The following B3GALT1 variants were observed in gnomAD, a reference collection of about 807,000 sequenced individuals.
B3GALT1 encodes the protein UDP-Gal:betaGlcNAc beta 1,3-galactosyltransferase, polypeptide 1.
Under a neutral mutation model 23.2 loss-of-function variants are expected in B3GALT1, and 10 were observed. The ratio of observed to expected loss-of-function variants is 0.43; its 90% confidence interval spans 0.27 to 0.73. The LOEUF is 0.73. B3GALT1 is among the 30% of genes least tolerant of loss of function. B3GALT1 has a pLI of 0.21. For synonymous variants in B3GALT1, 156 were observed against 141.5 expected (o/e 1.10, Z -0.73); for missense variants, 299 against 405.4 (o/e 0.74, Z 2.25).
intron 4 of B3GALT1, among the ~76,000 whole-genome samples, chr2:167,859,609 A>G (rs185210353): frequency 2.6e-4 from 40 of 152,316 alleles, no homozygotes; most frequent in African/African-American, 9.4e-4. Flanking sequence ...AAACTAAAAA[A>G]GAGAAAGGTT....
intron 3 of B3GALT1, among the ~76,000 whole-genome samples, chr2:167,727,189 C>A (rs949088347): frequency 6.6e-6 from 1 of 152,022 alleles, no homozygotes; most frequent in Non-Finnish European, 1.5e-5. Context: ...ATGGATTTAA[C>A]CTTTGTCTTT....
intron 1 of B3GALT1, among the ~76,000 whole-genome samples, chr2:167,311,872 A>G (rs1195581087): frequency 1.3e-5 from 2 of 151,954 alleles, no homozygotes; most frequent in Non-Finnish European, 2.9e-5. Context: ...TTGTATATGC[A>G]TTTAATTGTA....
chr2:167,475,585 C>T (rs1343891610), intron 1 of B3GALT1, among the ~76,000 whole-genome samples: 6 of 151,932 alleles, frequency 3.9e-5, no homozygotes, highest in Non-Finnish European at 4.4e-5. Flanking sequence ...ACAAAAGATA[C>T]AGCCACAGTG....
chr2:167,810,977 T>A (rs1354739754), intron 3 of B3GALT1, among the ~76,000 whole-genome samples: 1 of 152,142 alleles, frequency 6.6e-6, no homozygotes, highest in Non-Finnish European at 1.5e-5. Flanking sequence ...ATCAGAGAAG[T>A]TCAAGGCAAC....
intron 1 of B3GALT1, among the ~76,000 whole-genome samples, chr2:167,397,559 A>G (rs1241928082): frequency 6.6e-6 from 1 of 152,072 alleles, no homozygotes; most frequent in African/African-American, 2.4e-5. Context: ...AGATTCTTGG[A>G]CACTGGGGGA....
chr2:167,819,160 C>A (rs979331800), intron 4 of B3GALT1, among the ~76,000 whole-genome samples: 5 of 152,040 alleles, frequency 3.3e-5, no homozygotes, highest in Non-Finnish European at 5.9e-5. Flanking sequence ...TAGTGGTGGC[C>A]TCTTTTAAGA....
At chr2:167,395,311 CCTGGATTGT>C (rs1048973191) in intron 1 of B3GALT1, among the ~76,000 whole-genome samples, 53 of 151,974 alleles carry the variant, frequency 3.5e-4, no homozygotes, top group African/African-American at 1.3e-3. Context: ...TAGAGATTAC[CCTGGATTGT>C]CTGGGTGGGC....
intron 1 of B3GALT1, among the ~76,000 whole-genome samples, chr2:167,299,013 AAC>A (rs1206796391): frequency 6.6e-6 from 1 of 152,228 alleles, no homozygotes; most frequent in Non-Finnish European, 1.5e-5. Flanking sequence ...TCTCTCAGAA[AAC>A]ACCTTCCACA....
chr2:167,424,107 A>G (rs1396915122), intron 1 of B3GALT1, among the ~76,000 whole-genome samples: 1 of 152,156 alleles, frequency 6.6e-6, no homozygotes. Context: ...TAATCATTCA[A>G]CCGCAATTTA....
chr2:167,412,526 A>C (rs959692015), intron 1 of B3GALT1, among the ~76,000 whole-genome samples: 4 of 152,212 alleles, frequency 2.6e-5, no homozygotes, highest in Non-Finnish European at 4.4e-5. Context: ...TTATATAAAG[A>C]AGACTTGAAT....
chr2:167,714,032 G>C, intron 3 of B3GALT1: 2 of 1,540,148 alleles, frequency 1.3e-6, no homozygotes, highest in Middle Eastern at 1.7e-4. Flanking sequence ...GGCAGGGAGA[G>C]ATGAATCAGG....
chr2:167,784,055 C>G (rs2105322532), intron 3 of B3GALT1, among the ~76,000 whole-genome samples: 1 of 152,306 alleles, frequency 6.6e-6, no homozygotes, highest in African/African-American at 2.4e-5. Flanking sequence ...AGAAGAATTC[C>G]AAGCCACCTT....
rs71003011 is a variant in B3GALT1, at chr2:167,776,040, GCACACA to G, written c.-351-42599_-351-42594del. ...TATAAGTAGATAATTATGCAACTGT[GCACACA>G]CACACACACACACACACACACACAC... On this transcript the variant is annotated intron_variant, in intron 3 of 4. Coordinates refer to ENST00000392690, the MANE Select transcript of B3GALT1 (RefSeq NM_020981.4). 5.2e-3 allele frequency among the ~76,000 whole-genome samples: 744 copies of G among 142,264 alleles called. 5 individuals are homozygous for G. The highest frequency in any genetic ancestry group is 0.014 in the Middle Eastern group (4 of 276). The allele number at this position is 142,264 out of a possible 152,430, so 93.3% of individuals were successfully genotyped here. A position where few individuals can be genotyped will look rare whatever the true frequency, so the allele number is the denominator to read the frequency against.
chr2:167,770,703 C>G (rs974871212), intron 3 of B3GALT1, among the ~76,000 whole-genome samples: 1 of 152,038 alleles, frequency 6.6e-6, no homozygotes, highest in Non-Finnish European at 1.5e-5. Flanking sequence ...TACCCAAGGT[C>G]ACAAAGATTT....
intron 2 of B3GALT1, among the ~76,000 whole-genome samples, chr2:167,637,267 A>G (rs1323156520): frequency 6.6e-6 from 1 of 152,004 alleles, no homozygotes; most frequent in Non-Finnish European, 1.5e-5. Context: ...TTAGGAGACT[A>G]AAACATCATG....
chr2:167,613,609 T>C (rs1284417898), intron 2 of B3GALT1, among the ~76,000 whole-genome samples: 2 of 151,652 alleles, frequency 1.3e-5, no homozygotes, highest in Non-Finnish European at 3.0e-5. Flanking sequence ...GTTACTTCCA[T>C]AAGAAAAAAA....
intron 2 of B3GALT1, among the ~76,000 whole-genome samples, chr2:167,564,186 C>T (rs1407331703): frequency 1.7e-4 from 25 of 146,562 alleles, no homozygotes; most frequent in East Asian, 1.0e-3. Flanking sequence ...ACTTCTCAGA[C>T]GGGGCGGCCG....
At chr2:167,666,836 A>G (rs1464057307) in intron 3 of B3GALT1, among the ~76,000 whole-genome samples, 7 of 151,998 alleles carry the variant, frequency 4.6e-5, no homozygotes, top group African/African-American at 1.7e-4. Flanking sequence ...TTTTGAGCTT[A>G]TGTGTGTCTC....
intron 2 of B3GALT1, among the ~76,000 whole-genome samples, chr2:167,634,631 C>T (rs1685515933): frequency 6.6e-6 from 1 of 152,004 alleles, no homozygotes; most frequent in Non-Finnish European, 1.5e-5. Flanking sequence ...ACATATACAT[C>T]CTTCCAAGAC....
Sources: gnomAD v4.1 joint callset for allele counts (sites outside exome capture counted in the v4.1 genomes callset) on GRCh38, gnomAD v4.1.1 for gene constraint, MANE v1.5 for transcripts, NCBI Gene and HGNC (gene_info 2026-07-23, HGNC 2026-07-21) for gene names.